The following ABCC2 variants were observed in gnomAD, a reference collection of about 807,000 sequenced individuals.
ABCC2 encodes the protein ATP binding cassette subfamily C member 2.
In ABCC2, 157 loss-of-function variants were observed where a neutral mutation model predicts 173.4. The observed-to-expected ratio is 0.91, with a 90% confidence interval of 0.80 to 1.03. ABCC2 has a LOEUF of 1.03. ABCC2 is among the 50% of genes least tolerant of loss of function. The pLI is 0.00. For missense variants in ABCC2, 1,822 were observed against 1,852.3 expected (o/e 0.98, Z 0.30); for synonymous variants, 657 against 693.5 (o/e 0.95, Z 0.83).
intron 9 of ABCC2, among the ~76,000 whole-genome samples, chr10:99,803,486 A>G (rs1255587009): frequency 1.3e-5 from 2 of 151,622 alleles, no homozygotes; most frequent in Admixed American, 6.6e-5. Flanking sequence ...CCTTCCATCC[A>G]TCCATCCCTC....
intron 27 of ABCC2, 145 bp downstream of exon 27, chr10:99,844,045 T>C: frequency 1.2e-6 from 1 of 830,488 alleles, no homozygotes. Context: ...AAGGACCTAA[T>C]TTCTTCAAAC....
At chr10:99,831,105 G>A (rs920808850) in intron 21 of ABCC2, among the ~76,000 whole-genome samples, 1 of 152,168 alleles carries the variant, frequency 6.6e-6, no homozygotes, top group East Asian at 1.9e-4. Flanking sequence ...CCATTCTGAT[G>A]TGTGGAGGAA....
chr10:99,806,317 A>G (rs1374796488), intron 11 of ABCC2, among the ~76,000 whole-genome samples: 1 of 152,124 alleles, frequency 6.6e-6, no homozygotes, highest in African/African-American at 2.4e-5. Flanking sequence ...TCCATCCCTT[A>G]CAAGGTTTCC....
At chr10:99,783,974 A>G (rs1400991355) in intron 1 of ABCC2, among the ~76,000 whole-genome samples, 1 of 145,794 alleles carries the variant, frequency 6.9e-6, no homozygotes, top group East Asian at 2.1e-4. Context: ...ACTCAGATAC[A>G]AGAATTGGTG....
intron 12 of ABCC2, 35 bp from the exon 13 acceptor site, chr10:99,808,048 T>A (rs1164852861): frequency 6.2e-7 from 1 of 1,612,444 alleles, no homozygotes; most frequent in Admixed American, 1.7e-5. Flanking sequence ...TGGTCCCTTT[T>A]AGGAATAAAT....
At chr10:99,796,444 C>G (rs1332965528) in intron 6 of ABCC2, among the ~76,000 whole-genome samples, 1 of 152,094 alleles carries the variant, frequency 6.6e-6, no homozygotes, top group Non-Finnish European at 1.5e-5. Flanking sequence ...GCAGATCTTG[C>G]AGTAAGCCGA....
rs2038723838 is a variant in ABCC2, at chr10:99,830,706, CCTCT to C, written c.2748-6_2748-3del. On this transcript the variant is annotated splice_polypyrimidine_tract_variant and splice_region_variant and intron_variant, in intron 20 of 31. Transcript: ENST00000647814. ...TTGCCTGCATGCTCAGGGAAGCTTC[CCTCT>C]CTCAGTTCTAGGTCCAATGGCAGGC... The C allele has an allele frequency of 6.2e-7, 1 of 1,613,916 alleles. No homozygotes were observed.
Position 99,800,802 on chromosome 10 carries a change from G to C in ABCC2, c.1209+239G>C, listed in dbSNP as rs146669609. Among the ~76,000 whole-genome samples, 3 of 152,340 alleles carry C rather than the reference G, an allele frequency of 2.0e-5. No individual in the cohort carries two copies. The East Asian group carries it at 5.8e-4, about 29-fold the overall frequency. On this transcript the variant is annotated intron_variant, in intron 9 of 31. Transcript: ENST00000647814. ...CTCCCCAGGGAGAAGCCTGCAAGCT[G>C]TTCTGGTGCTCAGGATCCACCTTGC...
chr10:99,826,947 G>A (rs1321482426), intron 19 of ABCC2, among the ~76,000 whole-genome samples: 2 of 151,880 alleles, frequency 1.3e-5, no homozygotes, highest in Non-Finnish European at 2.9e-5. Flanking sequence ...TTCTCCAGGT[G>A]GCATCGGTTC....
At chr10:99,783,040 A>G (rs2037641837) in intron 1 of ABCC2, among the ~76,000 whole-genome samples, 163 bp downstream of exon 1, 1 of 152,234 alleles carries the variant, frequency 6.6e-6, no homozygotes, top group African/African-American at 2.4e-5. Context: ...TCTCCAGAGG[A>G]TATAAGATCT....
chr10:99,811,338 A>C (rs1464801569), intron 14 of ABCC2, among the ~76,000 whole-genome samples, 198 bp from the exon 15 acceptor site: 1 of 152,062 alleles, frequency 6.6e-6, no homozygotes, highest in Non-Finnish European at 1.5e-5. Flanking sequence ...TCAAAAAAAA[A>C]AAAAGGACTT....
Position 99,817,474 on chromosome 10 carries a change from T to C in ABCC2, c.2261T>C (p.Ile754Thr), listed in dbSNP as rs759092730. Residue 754 changes from isoleucine to threonine, a missense_variant, in exon 17 of 32, where the codon ATT (isoleucine) becomes ACT (threonine). Transcript: ENST00000647814. ...EMLPGGDLAE[I>T]GEKGINLSGG... ...CTGCCTGGAGGAGATTTGGCTGAGA[T>C]TGGAGAGAAGGTACTTGGGATAACA... 13 of 1,614,026 alleles carry C rather than the reference T, an allele frequency of 8.1e-6. No individual in the cohort carries two copies. In the South Asian group the frequency reaches 1.1e-4, roughly 14 times the overall value.
At position 99,799,379 on chromosome 10, in the gene ABCC2, C is replaced by A. The variant is rs1452605144; in HGVS notation, c.1031+9C>A. ...AGTCCTCAGCTGCTGAAGTGAGTCT[C>A]CAGGCCTCAGATGGTCCTTTCAGGG... On this transcript the variant is annotated intron_variant, in intron 8 of 31. Transcript: ENST00000647814. The A allele has an allele frequency of 3.7e-6, 6 of 1,614,040 alleles. No homozygotes were observed. In the South Asian group the frequency reaches 5.5e-5, roughly 15 times the overall value.
intron 19 of ABCC2, among the ~76,000 whole-genome samples, chr10:99,822,823 G>T (rs2038560907): frequency 1.3e-5 from 2 of 152,024 alleles, no homozygotes; most frequent in African/African-American, 4.8e-5. Flanking sequence ...TTTCAACTAT[G>T]GCCTGTCCTT....
chr10:99,835,399 C>T (rs749671350), intron 24 of ABCC2, among the ~76,000 whole-genome samples: 23 of 151,976 alleles, frequency 1.5e-4, no homozygotes, highest in Non-Finnish European at 1.3e-4. Flanking sequence ...TTTTGCATCC[C>T]GTCTCTCCAA....
intron 18 of ABCC2, 40 bp downstream of exon 18, chr10:99,818,997 G>C (rs2038476377): frequency 6.2e-7 from 1 of 1,611,270 alleles, no homozygotes; most frequent in Admixed American, 1.7e-5. Context: ...TAAAGGTGGG[G>C]TGGGAGGGAG....
rs1279228110 is a variant in ABCC2, at chr10:99,830,844, C to T, written c.2876C>T (p.Thr959Ile). ...CTAATTAAGAAGGAATTCATAGAAA[C>T]TGGAAAGGTGAACACCACACAGAAA... ...QKLIKKEFIE[T>I]GKVKFSIYLE... is the part of the protein sequence containing the mutation. The change falls in exon 21 of 32, where the codon ACT (threonine) becomes ATT (isoleucine). Residue 959 changes from threonine (T) to isoleucine (I), a missense_variant. Coordinates refer to ENST00000647814, the MANE Select transcript of ABCC2 (RefSeq NM_000392.5). The T allele has an allele frequency of 6.2e-7, 1 of 1,613,830 alleles. No individual in the cohort carries two copies. The highest frequency in any genetic ancestry group is 8.5e-7 in the Non-Finnish European group (1 of 1,179,950).
rs2038978701 is a variant in ABCC2, at chr10:99,843,819, G to A, written c.3762G>A (p.Trp1254Ter). The change falls in exon 27 of 32, where the codon TGG (tryptophan) becomes TGA (stop). Residue 1254 changes from tryptophan to a stop codon, truncating the protein, a stop_gained. Transcript: ENST00000647814. LOFTEE classifies it high-confidence loss of function. ...NALNITQTLN[W>*]LVRMTSEIET... ...TGTAGATCACACAAACCCTGAACTG[G>A]CTGGTGAGGATGACATCAGAAATAG... 5 of 1,614,000 alleles carry A rather than the reference G, an allele frequency of 3.1e-6. No homozygotes were observed. Among genetic ancestry groups the A allele is most frequent in the African/African-American group, 2.7e-5 (2 of 74,910 alleles).
intron 8 of ABCC2, 138 bp from the exon 9 acceptor site, chr10:99,800,248 C>T: frequency 1.1e-6 from 1 of 941,390 alleles, no homozygotes; most frequent in Non-Finnish European, 1.7e-6. Context: ...AGACTTAGGT[C>T]TTTCAAAGGC....
Sources: allele counts gnomAD v4.1 joint callset (sites outside exome capture counted in the v4.1 genomes callset), GRCh38; gene constraint gnomAD v4.1.1; transcripts MANE v1.5; gene names NCBI Gene and HGNC (gene_info 2026-07-23, HGNC 2026-07-21).